ZNF75A: variants seen among roughly 807,000 people sequenced by gnomAD.
ZNF75A encodes the protein zinc finger protein 75A.
Under a neutral mutation model 46.3 loss-of-function variants are expected in ZNF75A, and 36 were observed. The observed-to-expected ratio is 0.78, with a 90% CI of 0.60 to 1.03. The LOEUF (loss-of-function observed/expected upper bound fraction) is 1.03. Ranked by LOEUF, ZNF75A falls within the 50% of genes least tolerant of loss-of-function variation. The pLI is 0.00. For synonymous variants in ZNF75A, 234 were observed against 189.9 expected (o/e 1.23, Z -1.91); for missense variants, 595 against 551.3 (o/e 1.08, Z -0.79).
downstream of ZNF75A, among the ~76,000 whole-genome samples, chr16:3,320,942 C>A (rs746860703): frequency 2.6e-5 from 4 of 152,152 alleles, no homozygotes; most frequent in Non-Finnish European, 5.9e-5. Context: ...CAAGACAGTT[C>A]CACCTGTGGA....
Position 3,311,949 on chromosome 16 carries a change from G to T in ZNF75A, c.604+1G>T, listed in dbSNP as rs996213498. 1.0e-6 allele frequency: 1 copy of T among 985,730 alleles called. No individual in the cohort carries two copies. Among genetic ancestry groups the T allele is most frequent in the Non-Finnish European group, 1.2e-6 (1 of 829,638 alleles). The allele number at this position is 985,730 out of a possible 1,614,324, so 61.1% of individuals were successfully genotyped here. ...GAGACTGAGCCTGTGTATGAGAGGGGTAAGGAGCTTCATGATAATTTTCTT... is the reference window on the plus strand; with the variant it reads ...GAGACTGAGCCTGTGTATGAGAGGGTTAAGGAGCTTCATGATAATTTTCTT... On this transcript the variant is annotated splice_donor_variant, in intron 3 of 6. Coordinates refer to ENST00000669516, the MANE Select transcript of ZNF75A (RefSeq NM_001302109.2). LOFTEE classifies it high-confidence loss of function.
chr16:3,311,920 T>C lies in ZNF75A; in HGVS notation c.576T>C (p.His192=). The C allele has an allele frequency of 2.0e-6, 2 of 987,858 alleles. No homozygotes were observed. The highest frequency in any genetic ancestry group is 1.7e-5 in the African/African-American group (1 of 57,422). 61.2% of individuals were successfully genotyped at this position (987,858 alleles called of 1,614,324 possible). A position where few individuals can be genotyped will look rare whatever the true frequency, so the allele number is the denominator to read the frequency against. Residue 192 remains histidine, a synonymous_variant, in exon 3 of 7, where the codon CAT becomes CAC. Transcript: ENST00000669516. Reference sequence around the variant, plus strand: ...AAGAACAGCTCAGCAGGAATACTCATAAAGAGACTGAGCCTGTGTATGAGA... The same window carrying C: ...AAGAACAGCTCAGCAGGAATACTCACAAAGAGACTGAGCCTGTGTATGAGA... ...GLQEQLSRNT[H]KETEPVYERA... is the part of the protein sequence containing the mutation.
chr16:3,314,063 C>CTA (rs368220179), intron 5 of ZNF75A, among the ~76,000 whole-genome samples: 63 of 151,696 alleles, frequency 4.2e-4, no homozygotes, highest in Admixed American at 1.3e-3. Flanking sequence ...GGAAAAAACG[C>CTA]TATATATATA....
chr16:3,319,043 T>A (rs1369323847), downstream of ZNF75A, among the ~76,000 whole-genome samples: 1 of 152,210 alleles, frequency 6.6e-6, no homozygotes, highest in Non-Finnish European at 1.5e-5. Context: ...CAGCAGTGAC[T>A]CAGGTGCATT....
Position 3,318,537 on chromosome 16 carries a change from G to A in ZNF75A, c.*668G>A, listed in dbSNP as rs1961396760. 1 of 985,378 alleles carries A rather than the reference G, an allele frequency of 1.0e-6. No individual in the cohort carries two copies. The highest frequency in any genetic ancestry group is 1.2e-6 in the Non-Finnish European group (1 of 829,894). 61.0% of individuals were successfully genotyped at this position (985,378 alleles called of 1,614,324 possible). A position where few individuals can be genotyped will look rare whatever the true frequency, so the allele number is the denominator to read the frequency against. ...TGTAGCCATGGAATATATATTAGATGTAAAGAATTTTCTGCAATAAAAGAA... is the reference window on the plus strand; with the variant it reads ...TGTAGCCATGGAATATATATTAGATATAAAGAATTTTCTGCAATAAAAGAA... On this transcript the variant is annotated 3_prime_UTR_variant, in exon 7 of 7. Coordinates refer to ENST00000669516, the MANE Select transcript of ZNF75A (RefSeq NM_001302109.2).
At chr16:3,308,103 T>C (rs566262928) in intron 1 of ZNF75A, 1 of 152,332 alleles carries the variant, frequency 6.6e-6, no homozygotes, top group African/African-American at 2.4e-5. Context: ...GTTTTCTTTT[T>C]TATAAAAAAG....
At chr16:3,315,358 A>G (rs1039854998) in intron 5 of ZNF75A, among the ~76,000 whole-genome samples, 1 of 151,340 alleles carries the variant, frequency 6.6e-6, no homozygotes, top group Non-Finnish European at 1.5e-5. Flanking sequence ...TGCCCAGCTA[A>G]TTTTTTTTGT....
At chr16:3,307,170 G>A (rs1030431720) in intron 1 of ZNF75A, 8 of 152,150 alleles carry the variant, frequency 5.3e-5, no homozygotes, top group African/African-American at 9.7e-5. Flanking sequence ...GGCTGGTCTT[G>A]AAGTCCTGGT....
At chr16:3,315,496 G>A (rs1961144220) in intron 5 of ZNF75A, among the ~76,000 whole-genome samples, 1 of 152,106 alleles carries the variant, frequency 6.6e-6, no homozygotes, top group East Asian at 1.9e-4. Context: ...TGCCCAGCTA[G>A]TACTGTCATC....
rs1204006107 is a variant in ZNF75A, at chr16:3,318,401, C to G, written c.*532C>G. 2.0e-6 allele frequency: 2 copies of G among 986,908 alleles called. No individual in the cohort carries two copies. The highest frequency in any genetic ancestry group is 2.3e-4 in the East Asian group (2 of 8,840). 61.1% of individuals were successfully genotyped at this position (986,908 alleles called of 1,614,324 possible). A position where few individuals can be genotyped will look rare whatever the true frequency, so the allele number is the denominator to read the frequency against. On this transcript the variant is annotated 3_prime_UTR_variant, in exon 7 of 7. Transcript: ENST00000669516. Reference sequence around the variant, plus strand: ...TGTGATGAAATCTTGTTAACCACCACTAGGGAATCTCCAGATGAACTATTA... The same window carrying G: ...TGTGATGAAATCTTGTTAACCACCAGTAGGGAATCTCCAGATGAACTATTA...
intron 2 of ZNF75A, among the ~76,000 whole-genome samples, chr16:3,311,254 A>G (rs141668450): frequency 0.021 from 3,181 of 152,122 alleles, 62 homozygotes; most frequent in Non-Finnish European, 0.033. Context: ...CTTGACCAAC[A>G]TGAAGAAACC....
In ZNF75A at chr16:3,317,672, T is replaced by C. The variant is rs1167235142; in HGVS notation, c.1417T>C (p.Leu473=). Residue 473 remains leucine, a synonymous_variant, in exon 7 of 7, where the codon TTA becomes CTA. Transcript: ENST00000669516. ...GAAAAGCTTCAGTCAAAATACAAAT[T>C]TACATACACACCAAAGAACTCATAC... The part of the protein sequence containing the change: ...CGKSFSQNTN[L]HTHQRTHTGE... 1.2e-6 allele frequency: 2 copies of C among 1,613,858 alleles called. No homozygotes were observed. The highest frequency in any genetic ancestry group is 2.7e-5 in the African/African-American group (2 of 74,856).
downstream of ZNF75A, among the ~76,000 whole-genome samples, chr16:3,322,284 C>G (rs1351891261): frequency 6.6e-6 from 1 of 152,176 alleles, no homozygotes; most frequent in African/African-American, 2.4e-5. Flanking sequence ...ACACCTGTCA[C>G]TTTTTCTTGT....
chr16:3,314,436 C>T (rs1460898964), intron 5 of ZNF75A, among the ~76,000 whole-genome samples: 2 of 152,174 alleles, frequency 1.3e-5, no homozygotes, highest in Non-Finnish European at 2.9e-5. Flanking sequence ...GCTACCTGAG[C>T]ATGACCTTAT....
In ZNF75A at chr16:3,317,369, G is replaced by T; in HGVS notation, c.1114G>T (p.Val372Leu). ...GGGAAAATGGCACCAAGATTTTCCA[G>T]TGAAGAAAAGAAAGAAACTTTCAAC... Reference protein sequence around the residue: ...RVGKWHQDFPVKKRKKLSTWK... With the variant: ...RVGKWHQDFPLKKRKKLSTWK... The change falls in exon 7 of 7, where the codon GTG becomes TTG. Residue 372 changes from valine (V) to leucine (L), a missense_variant. Val to Leu is a conservative substitution (Grantham distance 32). Transcript: ENST00000669516. The T allele has an allele frequency of 6.2e-7, 1 of 1,614,148 alleles. No individual in the cohort carries two copies. Among genetic ancestry groups the T allele is most frequent in the Non-Finnish European group, 8.5e-7 (1 of 1,180,014 alleles).
At position 3,316,981 on chromosome 16, in the gene ZNF75A, T is replaced by C. The variant is rs766609651; in HGVS notation, c.893T>C (p.Val298Ala). ...LEQGEEPWVQ[V>A]SPEFKDSAGK... ...CAAGGGGAAGAGCCATGGGTTCAAG[T>C]ATCCCCGGAGTTTAAGGATAGTGCC... The change falls in exon 6 of 7, where the codon GTA (valine) becomes GCA (alanine). Residue 298 changes from valine (V) to alanine (A), a missense_variant. Transcript: ENST00000669516. 3 of 1,614,102 alleles carry C rather than the reference T, an allele frequency of 1.9e-6. No homozygotes were observed. The highest frequency in any genetic ancestry group is 2.2e-5 in the East Asian group (1 of 44,880).
At chr16:3,322,844 G>A (rs1596406175), downstream of ZNF75A, 2 of 945,920 alleles carry the variant, frequency 2.1e-6, no homozygotes, top group Non-Finnish European at 2.5e-6. Flanking sequence ...GGGCTTGGTC[G>A]ACTGCTCCCG....
At position 3,316,986 on chromosome 16, in the gene ZNF75A, C is replaced by A; in HGVS notation, c.898C>A (p.Pro300Thr). Residue 300 changes from proline to threonine, a missense_variant, in exon 6 of 7, where the codon CCG becomes ACG. Pro to Thr is a conservative substitution (Grantham distance 38). Transcript: ENST00000669516. Reference sequence around the variant, plus strand: ...GGAAGAGCCATGGGTTCAAGTATCCCCGGAGTTTAAGGATAGTGCCGGAAA... The same window carrying A: ...GGAAGAGCCATGGGTTCAAGTATCCACGGAGTTTAAGGATAGTGCCGGAAA... ...QGEEPWVQVSPEFKDSAGKSP... is the reference protein window; with the variant it reads ...QGEEPWVQVSTEFKDSAGKSP... 6.2e-7 allele frequency: 1 copy of A among 1,613,968 alleles called. No individual in the cohort carries two copies. Among genetic ancestry groups the A allele is most frequent in the Non-Finnish European group, 8.5e-7 (1 of 1,179,972 alleles).
rs1216457282 is a variant in ZNF75A at position 3,317,522 on chromosome 16, A to G, written c.1267A>G (p.Ile423Val). ...VSSDLIKHQR[I>V]HTEEKPYKCQ... The stretch of plus-strand genomic sequence containing the variant: ...CTCTGACCTTATTAAGCACCAAAGA[A>G]TTCACACTGAAGAGAAACCCTATAA... The change falls in exon 7 of 7, where the codon ATT becomes GTT. Residue 423 changes from isoleucine (I) to valine (V), a missense_variant. Ile to Val is a conservative substitution (Grantham distance 29). Coordinates refer to ENST00000669516, the MANE Select transcript of ZNF75A (RefSeq NM_001302109.2). 2 of 1,613,928 alleles carry G rather than the reference A, an allele frequency of 1.2e-6. No homozygotes were observed. Among genetic ancestry groups the G allele is most frequent in the Non-Finnish European group, 1.7e-6 (2 of 1,180,000 alleles).
Sources: allele counts gnomAD v4.1 joint callset (sites outside exome capture counted in the v4.1 genomes callset), GRCh38; gene constraint gnomAD v4.1.1; transcripts MANE v1.5; gene names NCBI Gene and HGNC (gene_info 2026-07-23, HGNC 2026-07-21).